The following HAS2 variants were observed in gnomAD, a reference collection of about 807,000 sequenced individuals.
HAS2 encodes the protein hyaluronan synthase 2.
Under a neutral mutation model 51.6 loss-of-function variants are expected in HAS2, and 16 were observed. The ratio of observed to expected loss-of-function variants is 0.31; its 90% confidence interval spans 0.21 to 0.47. The LOEUF is 0.47. HAS2 is among the 20% of genes least tolerant of loss of function. The pLI is 1.00. For missense variants in HAS2, 361 were observed against 662.6 expected, an observed-to-expected ratio of 0.54 and a Z score of 5.00; for synonymous variants, 228 against 235.5, an observed-to-expected ratio of 0.97 and a Z score of 0.29.
chr8:121,631,174 T>C (rs1034429789), intron 1 of HAS2, among the ~76,000 whole-genome samples: 7 of 152,166 alleles, frequency 4.6e-5, no homozygotes, highest in Non-Finnish European at 8.8e-5. Flanking sequence ...TGGATTGCCA[T>C]ATGAAAGGGA....
intron 2 of HAS2, among the ~76,000 whole-genome samples, chr8:121,625,701 T>G (rs1345512799): frequency 7.8e-6 from 1 of 128,776 alleles, no homozygotes; most frequent in Non-Finnish European, 1.6e-5. Context: ...TTTTTTTTTT[T>G]GTAGAGATGA....
At chr8:121,630,917 C>T (rs562906497) in intron 1 of HAS2, among the ~76,000 whole-genome samples, 2 of 152,292 alleles carry the variant, frequency 1.3e-5, no homozygotes, top group East Asian at 3.9e-4. Flanking sequence ...AGGGGATCTG[C>T]ACTGTACTTT....
chr8:121,632,758 C>T (rs1812950589), intron 1 of HAS2, among the ~76,000 whole-genome samples: 1 of 146,934 alleles, frequency 6.8e-6, no homozygotes, highest in Non-Finnish European at 1.5e-5. Flanking sequence ...TCATCATCAT[C>T]ATCATTATTA....
chr8:121,616,449 T>A (rs1456286048), intron 3 of HAS2, among the ~76,000 whole-genome samples: 1 of 151,828 alleles, frequency 6.6e-6, no homozygotes, highest in Non-Finnish European at 1.5e-5. Context: ...TTTCTTTTTT[T>A]TTTTTGAGAC....
At chr8:121,619,603 C>A (rs1812748913) in intron 2 of HAS2, among the ~76,000 whole-genome samples, 1 of 152,108 alleles carries the variant, frequency 6.6e-6, no homozygotes, top group African/African-American at 2.4e-5. Context: ...ATTTTACTGA[C>A]ACCTGGGTCT....
At chr8:121,633,255 C>A (rs1310695637) in intron 1 of HAS2, among the ~76,000 whole-genome samples, 1 of 150,984 alleles carries the variant, frequency 6.6e-6, no homozygotes, top group Non-Finnish European at 1.5e-5. Flanking sequence ...AATTGATTCT[C>A]CTGCCTCAGT....
chr8:121,629,461 C>T (rs187079493), intron 1 of HAS2, 121 bp from the exon 2 acceptor site: 12 of 781,894 alleles, frequency 1.5e-5, no homozygotes, highest in African/African-American at 5.2e-5. Flanking sequence ...CTCAATTTCT[C>T]GCCCAACTCA....
chr8:121,628,632 G>T, intron 2 of HAS2, 82 bp downstream of exon 2: 2 of 1,209,796 alleles, frequency 1.7e-6, no homozygotes, highest in Non-Finnish European at 2.4e-6. Context: ...GGACAAGGAT[G>T]GGCTATAGCA....
chr8:121,619,999 A>G (rs972537593), intron 2 of HAS2, among the ~76,000 whole-genome samples: 5 of 152,188 alleles, frequency 3.3e-5, no homozygotes, highest in South Asian at 2.1e-4. Flanking sequence ...GCATATTTCA[A>G]TTGGTCCCTG....
Position 121,613,756 on chromosome 8 carries a change from G to A in HAS2, c.*353C>T. On this transcript the variant is annotated 3_prime_UTR_variant, in exon 4 of 4. Transcript: ENST00000303924. ...ATAAGTTAGGTTGTATAGGTTGAAAGAACTTTTCCTTGAGTTTCCAAAATC... is the reference window on the plus strand; with the variant it reads ...ATAAGTTAGGTTGTATAGGTTGAAAAAACTTTTCCTTGAGTTTCCAAAATC... 1 of 259,772 alleles carries A rather than the reference G, an allele frequency of 3.8e-6. No homozygotes were observed. The allele number at this position is 259,772 out of a possible 1,614,324, so 16.1% of individuals were successfully genotyped here. A position where few individuals can be genotyped will look rare whatever the true frequency, so the allele number is the denominator to read the frequency against.
rs575630224 is a variant in HAS2 at position 121,613,735 on chromosome 8, G to C, written c.*374C>G. ...TATCATCTATCAAAACAGTCCATAA[G>C]TTAGGTTGTATAGGTTGAAAGAACT... On this transcript the variant is annotated 3_prime_UTR_variant, in exon 4 of 4. Coordinates refer to ENST00000303924, the MANE Select transcript of HAS2 (RefSeq NM_005328.3). The C allele has an allele frequency of 2.7e-5, 6 of 218,674 alleles. No homozygotes were observed. The East Asian group carries it at 5.6e-4, about 20-fold the overall frequency. 13.5% of individuals were successfully genotyped at this position (218,674 alleles called of 1,614,324 possible). A position where few individuals can be genotyped will look rare whatever the true frequency, so the allele number is the denominator to read the frequency against.
intron 1 of HAS2, among the ~76,000 whole-genome samples, chr8:121,637,874 A>T (rs1489022100): frequency 8.5e-5 from 13 of 152,202 alleles, no homozygotes; most frequent in Admixed American, 8.5e-4. Flanking sequence ...GTTTGCATGG[A>T]TAAAAAGAGA....
chr8:121,628,075 A>G (rs568037361), intron 2 of HAS2, among the ~76,000 whole-genome samples: 32 of 152,278 alleles, frequency 2.1e-4, no homozygotes, highest in African/African-American at 7.7e-4. Flanking sequence ...ACACCATCAC[A>G]AATGCTTTCA....
intron 2 of HAS2, among the ~76,000 whole-genome samples, chr8:121,619,034 T>C (rs1049414329): frequency 1.3e-5 from 2 of 151,946 alleles, no homozygotes; most frequent in Non-Finnish European, 2.9e-5. Flanking sequence ...GTTAGATACA[T>C]GTAGCATGAG....
At chr8:121,619,771 C>T (rs1429795726) in intron 2 of HAS2, among the ~76,000 whole-genome samples, 1 of 152,144 alleles carries the variant, frequency 6.6e-6, no homozygotes, top group Admixed American at 6.5e-5. Flanking sequence ...GAAATTCTAA[C>T]TCATCTTTAG....
chr8:121,632,892 G>C (rs914623279), intron 1 of HAS2, among the ~76,000 whole-genome samples: 1 of 152,006 alleles, frequency 6.6e-6, no homozygotes, highest in Non-Finnish European at 1.5e-5. Context: ...TTAATCTCAT[G>C]TTACAAATAA....
intron 1 of HAS2, among the ~76,000 whole-genome samples, chr8:121,634,919 T>A (rs971243338): frequency 6.6e-6 from 1 of 152,110 alleles, no homozygotes; most frequent in African/African-American, 2.4e-5. Flanking sequence ...ATCTGAGCTA[T>A]CTTATGAGCT....
chr8:121,640,420 A>AGTGTGT (rs10578731), intron 1 of HAS2, among the ~76,000 whole-genome samples: 488 of 148,424 alleles, frequency 3.3e-3, no homozygotes, highest in Middle Eastern at 3.5e-3. Context: ...TTCTCCCCAC[A>AGTGTGT]GTGTGTGTGT....
At chr8:121,638,602 G>C (rs1813044628) in intron 1 of HAS2, among the ~76,000 whole-genome samples, 1 of 152,122 alleles carries the variant, frequency 6.6e-6, no homozygotes, top group Non-Finnish European at 1.5e-5. Flanking sequence ...AGAATTATCT[G>C]TCCCAGAATT....
Sources: gnomAD v4.1 joint callset for allele counts (sites outside exome capture counted in the v4.1 genomes callset) on GRCh38, gnomAD v4.1.1 for gene constraint, MANE v1.5 for transcripts, NCBI Gene and HGNC (gene_info 2026-07-23, HGNC 2026-07-21) for gene names.